DNAAF1: variants seen among roughly 807,000 people sequenced by gnomAD.
DNAAF1 encodes the protein dynein axonemal assembly factor 1.
Under a neutral mutation model 71.1 loss-of-function variants are expected in DNAAF1, and 65 were observed. That is an observed-to-expected ratio of 0.91 (90% confidence interval 0.75 to 1.12). The LOEUF (loss-of-function observed/expected upper bound fraction) is 1.12. Ranked by LOEUF, DNAAF1 falls within the 50% of genes most tolerant of loss-of-function variation. The pLI, the probability that DNAAF1 is intolerant of heterozygous loss-of-function variation, is 0.00. For missense variants in DNAAF1, 1,178 were observed against 899.8 expected, an observed-to-expected ratio of 1.31 and a Z score of -3.96; for synonymous variants, 414 against 354.6, an observed-to-expected ratio of 1.17 and a Z score of -1.88.
chr16:84,169,956 G>C lies in DNAAF1; in HGVS notation c.1128G>C (p.Glu376Asp). 1 of 1,614,140 alleles carries C rather than the reference G, an allele frequency of 6.2e-7. No individual in the cohort carries two copies. The highest frequency in any genetic ancestry group is 8.5e-7 in the Non-Finnish European group (1 of 1,180,040). Residue 376 changes from glutamate to aspartate, a missense_variant, in exon 8 of 12, where the codon GAG becomes GAC. By Grantham distance (45) the Glu-to-Asp change is conservative. Coordinates refer to ENST00000378553, the MANE Select transcript of DNAAF1 (RefSeq NM_178452.6). ...ACAGAGAAACAAGGCAGAAGATGGA[G>C]CTATTTGTTAAGGAAAGCTTTGAGG... ...PGDRETRQKM[E>D]LFVKESFEAK...
chr16:84,150,951 A>T (rs1283268461), intron 3 of DNAAF1, among the ~76,000 whole-genome samples: 1 of 152,084 alleles, frequency 6.6e-6, no homozygotes, highest in African/African-American at 2.4e-5. Flanking sequence ...TTAGTTTGTA[A>T]GTACTTTGGG....
chr16:84,153,723 A>G (rs1410006506), intron 3 of DNAAF1, among the ~76,000 whole-genome samples: 1 of 152,232 alleles, frequency 6.6e-6, no homozygotes, highest in Non-Finnish European at 1.5e-5. Flanking sequence ...GAGTTACTAA[A>G]GGAAACTAAA....
In DNAAF1 at chr16:84,150,101, G is replaced by C. The variant is rs932225671; in HGVS notation, c.261-150G>C. 13 of 646,006 alleles carry C rather than the reference G, an allele frequency of 2.0e-5. No homozygotes were observed. The East Asian group carries it at 3.6e-4, about 18-fold the overall frequency. The allele number at this position is 646,006 out of a possible 1,614,324, so 40.0% of individuals were successfully genotyped here. A position where few individuals can be genotyped will look rare whatever the true frequency, so the allele number is the denominator to read the frequency against. On this transcript the variant is annotated intron_variant, in intron 2 of 11. Transcript: ENST00000378553. ...AAAAAGAAGAAGAAAAAGGAAAGGA[G>C]AAAGAGAAAAAGACGAACTTAAAAT...
At chr16:84,156,480 G>A (rs946232102) in intron 5 of DNAAF1, among the ~76,000 whole-genome samples, 4 of 152,112 alleles carry the variant, frequency 2.6e-5, no homozygotes, top group East Asian at 1.9e-4. Context: ...CCTCACATCC[G>A]GGAGCGTGTG....
At chr16:84,152,996 A>G (rs754201612) in intron 3 of DNAAF1, among the ~76,000 whole-genome samples, 11 of 151,970 alleles carry the variant, frequency 7.2e-5, no homozygotes, top group Non-Finnish European at 1.0e-4. Context: ...TCCACTAATT[A>G]CAAGGTTTGG....
At chr16:84,174,153 C>T (rs2088529673) in intron 9 of DNAAF1, 4 of 996,356 alleles carry the variant, frequency 4.0e-6, no homozygotes, top group Non-Finnish European at 4.8e-6. Flanking sequence ...ACCTAGGCAC[C>T]GTGGCTCCAG....
rs1490108952 is a variant in DNAAF1 at position 84,176,057 on chromosome 16, C to T, written c.1823C>T (p.Ala608Val). 6.2e-7 allele frequency: 1 copy of T among 1,614,144 alleles called. No homozygotes were observed. The highest frequency in any genetic ancestry group is 1.7e-5 in the Admixed American group (1 of 60,020). ...ACAGACACTCTGTCAAATATATTTGCAGTCTCTAAAGACACCTCAAAGGCG... is the reference window on the plus strand; with the variant it reads ...ACAGACACTCTGTCAAATATATTTGTAGTCTCTAAAGACACCTCAAAGGCG... The part of the protein sequence containing the change: ...LPTDTLSNIF[A>V]VSKDTSKAAR... Residue 608 changes from alanine to valine, a missense_variant, in exon 11 of 12, where the codon GCA becomes GTA. Physicochemically the swap from Ala to Val is moderately conservative, Grantham distance 64 (BLOSUM62 0). Coordinates refer to ENST00000378553, the MANE Select transcript of DNAAF1 (RefSeq NM_178452.6).
At chr16:84,151,437 A>G (rs1159197113) in intron 3 of DNAAF1, among the ~76,000 whole-genome samples, 1 of 152,112 alleles carries the variant, frequency 6.6e-6, no homozygotes, top group East Asian at 1.9e-4. Flanking sequence ...TTCTCTACCC[A>G]GCATCTAAGC....
chr16:84,162,058 T>G (rs755033499), intron 6 of DNAAF1: 18 of 152,184 alleles, frequency 1.2e-4, no homozygotes, highest in Non-Finnish European at 2.1e-4. Flanking sequence ...TACTGTGTGG[T>G]AAATGGACTG....
chr16:84,148,604 T>TTTTTTTTTTTTTTTTTTTTTTTTTTTG (rs2087036413), intron 1 of DNAAF1, among the ~76,000 whole-genome samples: 1 of 122,588 alleles, frequency 8.2e-6, no homozygotes, highest in Non-Finnish European at 1.7e-5. Flanking sequence ...CTCTTTTTTT[T>TTTTTTTTTTTTTTTTTTTTTTTTTTTG]TTTTTTTTTT....
At chr16:84,154,896 G>GTT in intron 4 of DNAAF1, 98 bp downstream of exon 4, 4 of 1,031,010 alleles carry the variant, frequency 3.9e-6, no homozygotes, top group Non-Finnish European at 5.9e-6. Flanking sequence ...AAGAAGTGGT[G>GTT]TTTTTTTTTG....
At position 84,172,361 on chromosome 16, in the gene DNAAF1, A is replaced by T. The variant is rs777402503; in HGVS notation, c.1630A>T (p.Thr544Ser). 37 of 1,613,926 alleles carry T rather than the reference A, an allele frequency of 2.3e-5. No homozygotes were observed. Among genetic ancestry groups the T allele is most frequent in the African/African-American group, 9.3e-5 (7 of 74,944 alleles). ...LETIRLETKE[T>S]FCIDDLPDLE... The stretch of plus-strand genomic sequence containing the variant: ...AACCATTAGACTGGAGACAAAGGAG[A>T]CATTCTGCATTGATGTACATGAAGT... The change falls in exon 9 of 12, where the codon ACA (threonine) becomes TCA (serine). Residue 544 changes from threonine (T) to serine (S), a missense_variant. Transcript: ENST00000378553.
chr16:84,155,200 G>A (rs1176347844), intron 4 of DNAAF1, among the ~76,000 whole-genome samples: 1 of 152,052 alleles, frequency 6.6e-6, no homozygotes, highest in African/African-American at 2.4e-5. Context: ...GAGCCACCAT[G>A]CCCAGCCAAG....
chr16:84,155,665 T>A lies in DNAAF1; in HGVS notation c.657T>A (p.Cys219Ter). The A allele has an allele frequency of 5.0e-6, 8 of 1,614,152 alleles. No individual in the cohort carries two copies. The highest frequency in any genetic ancestry group is 6.8e-6 in the Non-Finnish European group (8 of 1,180,020). The change falls in exon 5 of 12, where the codon TGT becomes TGA. Residue 219 changes from cysteine (C) to a stop codon, truncating the protein, a stop_gained. Coordinates refer to ENST00000378553, the MANE Select transcript of DNAAF1 (RefSeq NM_178452.6). LOFTEE classifies it high-confidence loss of function. ...TVEDIQHLQE[C>*]LRLCVLDLSH... is the part of the protein sequence containing the mutation. ...AGGACATTCAGCATCTACAAGAGTG[T>A]TTGAGGCTTTGTGTCCTTGACCTTT...
chr16:84,170,139 G>C lies in DNAAF1; in HGVS notation c.1311G>C (p.Glu437Asp). Residue 437 changes from glutamate to aspartate, a missense_variant, in exon 8 of 12, where the codon GAG becomes GAC. Transcript: ENST00000378553. ...VEVKGEDGDG[E>D]PEGTLPAEAP... ...TTAAAGGAGAGGACGGAGATGGAGA[G>C]CCAGAGGGGACCCTCCCAGCTGAGG... is the stretch of plus-strand genomic sequence containing the variant. The C allele has an allele frequency of 2.5e-6, 4 of 1,585,928 alleles. No individual in the cohort carries two copies. Among genetic ancestry groups the C allele is most frequent in the Admixed American group, 3.4e-5 (2 of 58,798 alleles).
chr16:84,166,375 T>TC (rs2087997331), intron 7 of DNAAF1, among the ~76,000 whole-genome samples: 2 of 116,494 alleles, frequency 1.7e-5, no homozygotes, highest in African/African-American at 6.2e-5. Context: ...TTTTTCTTTT[T>TC]TTTTTTTTTT....
chr16:84,158,642 G>A (rs1246648483), intron 5 of DNAAF1, among the ~76,000 whole-genome samples: 4 of 152,168 alleles, frequency 2.6e-5, no homozygotes, highest in Non-Finnish European at 5.9e-5. Flanking sequence ...CTTTATTGCT[G>A]CCTGGGTGTA....
At chr16:84,158,026 T>A (rs2087524697) in intron 5 of DNAAF1, among the ~76,000 whole-genome samples, 1 of 151,980 alleles carries the variant, frequency 6.6e-6, no homozygotes, top group Non-Finnish European at 1.5e-5. Context: ...GCTAACATGG[T>A]GAAACCGTCT....
intron 3 of DNAAF1, among the ~76,000 whole-genome samples, chr16:84,154,279 T>G (rs1272645360): frequency 6.6e-6 from 1 of 152,124 alleles, no homozygotes; most frequent in Non-Finnish European, 1.5e-5. Flanking sequence ...GCTTGCTTTT[T>G]TATTCGCAGA....
Sources: gnomAD v4.1 joint callset for allele counts (sites outside exome capture counted in the v4.1 genomes callset) on GRCh38, gnomAD v4.1.1 for gene constraint, MANE v1.5 for transcripts, NCBI Gene and HGNC (gene_info 2026-07-23, HGNC 2026-07-21) for gene names.